Variants in GALNTL6 observed in about 807,000 individuals in gnomAD.
GALNTL6 encodes the protein polypeptide N-acetylgalactosaminyltransferase-like 6.
In GALNTL6, 46 loss-of-function variants were observed where a neutral mutation model predicts 73.7. That is an observed-to-expected ratio of 0.62 (90% CI 0.49 to 0.80). The LOEUF (loss-of-function observed/expected upper bound fraction) is 0.80, where lower values mean the gene tolerates loss of function less well. Among genes scored for constraint, GALNTL6 ranks in the 30% least tolerant of loss-of-function variants. GALNTL6 has a pLI of 0.00. For missense variants in GALNTL6, 604 were observed against 755.0 expected (o/e 0.80, Z 2.34); for synonymous variants, 259 against 263.7 (o/e 0.98, Z 0.17).
At chr4:172,332,964 TGTTA>T (rs1245279042) in intron 4 of GALNTL6, among the ~76,000 whole-genome samples, 1 of 152,192 alleles carries the variant, frequency 6.6e-6, no homozygotes, top group Non-Finnish European at 1.5e-5. Context: ...TGCCAAAATC[TGTTA>T]TTTATTGTCT....
At chr4:172,073,074 A>G (rs1289780068) in intron 2 of GALNTL6, among the ~76,000 whole-genome samples, 1 of 152,138 alleles carries the variant, frequency 6.6e-6, no homozygotes, top group East Asian at 1.9e-4. Flanking sequence ...CTGCCTCAGT[A>G]ACATGGAACC....
chr4:172,925,599 G>A (rs1026841517), intron 8 of GALNTL6, among the ~76,000 whole-genome samples: 2 of 152,178 alleles, frequency 1.3e-5, no homozygotes, highest in Non-Finnish European at 1.5e-5. Context: ...AACTAAAAAT[G>A]GTGTCGATAA....
intron 2 of GALNTL6, among the ~76,000 whole-genome samples, chr4:171,823,842 A>G (rs950338310): frequency 2.6e-5 from 4 of 151,120 alleles, no homozygotes; most frequent in Non-Finnish European, 4.4e-5. Context: ...AGCATAGTAT[A>G]GTAAGTGGGG....
chr4:172,538,898 A>C (rs1047357934), intron 5 of GALNTL6, among the ~76,000 whole-genome samples: 33 of 152,304 alleles, frequency 2.2e-4, no homozygotes, highest in Middle Eastern at 3.4e-3. Flanking sequence ...GAGGCAACAC[A>C]AGATGAAGTA....
At chr4:172,631,726 CG>C (rs1204301063) in intron 5 of GALNTL6, among the ~76,000 whole-genome samples, 2 of 152,088 alleles carry the variant, frequency 1.3e-5, no homozygotes, top group African/African-American at 2.4e-5. Context: ...TTCCCTCCAG[CG>C]GGTTCTGTTT....
intron 5 of GALNTL6, among the ~76,000 whole-genome samples, chr4:172,627,536 GTT>G (rs796834112): frequency 7.2e-6 from 1 of 137,984 alleles, no homozygotes; most frequent in Admixed American, 7.2e-5. Context: ...CCTCTTCCTT[GTT>G]TTTTTTTTTT....
chr4:171,848,864 T>C (rs903690433), intron 2 of GALNTL6, among the ~76,000 whole-genome samples: 1 of 152,226 alleles, frequency 6.6e-6, no homozygotes, highest in African/African-American at 2.4e-5. Context: ...ACTTCTTTGC[T>C]TTTTTACCAT....
At chr4:171,956,833 G>A (rs996433662) in intron 2 of GALNTL6, among the ~76,000 whole-genome samples, 1 of 152,012 alleles carries the variant, frequency 6.6e-6, no homozygotes, top group African/African-American at 2.4e-5. Context: ...CTTACTTTAT[G>A]TAGCTCTCTG....
chr4:172,764,727 G>A (rs1738308805), intron 5 of GALNTL6, among the ~76,000 whole-genome samples: 1 of 151,996 alleles, frequency 6.6e-6, no homozygotes, highest in South Asian at 2.1e-4. Flanking sequence ...CTCAAAAATA[G>A]AATCACATGT....
At chr4:172,917,956 T>G (rs1195860854) in intron 8 of GALNTL6, among the ~76,000 whole-genome samples, 1 of 152,232 alleles carries the variant, frequency 6.6e-6, no homozygotes, top group Non-Finnish European at 1.5e-5. Context: ...ACACATATGT[T>G]TATTGTGGCA....
intron 5 of GALNTL6, among the ~76,000 whole-genome samples, chr4:172,562,996 A>G (rs1736430898): frequency 6.6e-6 from 1 of 152,140 alleles, no homozygotes; most frequent in African/African-American, 2.4e-5. Context: ...CAGTGTTCCT[A>G]TAGCTGACTG....
chr4:172,538,284 C>G (rs1290385302), intron 5 of GALNTL6, among the ~76,000 whole-genome samples: 1 of 152,006 alleles, frequency 6.6e-6, no homozygotes, highest in East Asian at 1.9e-4. Context: ...CATGGTGAAA[C>G]CCTGTCTATA....
At chr4:172,571,764 G>C (rs2110950579) in intron 5 of GALNTL6, among the ~76,000 whole-genome samples, 1 of 152,232 alleles carries the variant, frequency 6.6e-6, no homozygotes, top group South Asian at 2.1e-4. Flanking sequence ...GGATAATATG[G>C]CAAAATTATG....
intron 2 of GALNTL6, among the ~76,000 whole-genome samples, chr4:171,920,208 A>G (rs1737745406): frequency 6.6e-6 from 1 of 152,016 alleles, no homozygotes; most frequent in South Asian, 2.1e-4. Context: ...GAAGGGGAAC[A>G]TCACACACCG....
chr4:172,958,848 G>A (rs1331795387), intron 10 of GALNTL6, among the ~76,000 whole-genome samples: 2 of 152,150 alleles, frequency 1.3e-5, no homozygotes, highest in African/African-American at 2.4e-5. Context: ...AAGAAAGCAT[G>A]TTTGAGATCC....
intron 10 of GALNTL6, among the ~76,000 whole-genome samples, chr4:172,996,186 A>C (rs1314626754): frequency 2.6e-5 from 4 of 151,996 alleles, no homozygotes; most frequent in Non-Finnish European, 5.9e-5. Flanking sequence ...ACACACACAC[A>C]CACCATGGAA....
At chr4:172,950,074 T>G (rs1011827971) in intron 9 of GALNTL6, among the ~76,000 whole-genome samples, 3 of 152,188 alleles carry the variant, frequency 2.0e-5, no homozygotes, top group Admixed American at 1.3e-4. Flanking sequence ...CACTGAGTTT[T>G]TATGTATGTA....
intron 2 of GALNTL6, among the ~76,000 whole-genome samples, chr4:171,912,101 C>T: frequency 6.6e-6 from 1 of 151,958 alleles, no homozygotes; most frequent in Non-Finnish European, 1.5e-5. Flanking sequence ...AAAAACTAAG[C>T]TCATCATATA....
At chr4:172,487,391 TTTTC>T (rs1733734558) in intron 5 of GALNTL6, among the ~76,000 whole-genome samples, 1 of 149,682 alleles carries the variant, frequency 6.7e-6, no homozygotes. Flanking sequence ...TTTTCTTTTC[TTTTC>T]TTTCTTTTTC....
Sources: gnomAD v4.1 joint callset for allele counts (sites outside exome capture counted in the v4.1 genomes callset) on GRCh38, gnomAD v4.1.1 for gene constraint, MANE v1.5 for transcripts, NCBI Gene and HGNC (gene_info 2026-07-23, HGNC 2026-07-21) for gene names.